Variants in SP110 observed in about 807,000 individuals in gnomAD.
SP110 encodes the protein SP110 nuclear body protein.
SP110 carries 62 observed loss-of-function variants against 92.7 expected under a neutral mutation model. The ratio of observed to expected loss-of-function variants is 0.67; its 90% CI spans 0.55 to 0.83. The LOEUF (loss-of-function observed/expected upper bound fraction) is 0.83, where lower values mean the gene tolerates loss of function less well. Ranked by LOEUF, SP110 falls within the 40% of genes least tolerant of loss-of-function variation. SP110 has a pLI of 0.00. For synonymous variants in SP110, 273 were observed against 305.3 expected (o/e 0.89, Z 1.10); for missense variants, 793 against 863.9 (o/e 0.92, Z 1.03).
chr2:230,189,864 G>T (rs1030947073), intron 10 of SP110, among the ~76,000 whole-genome samples: 1 of 152,132 alleles, frequency 6.6e-6, no homozygotes, highest in Non-Finnish European at 1.5e-5. Flanking sequence ...ACCTGCAAAG[G>T]ACATGATCTT....
chr2:230,173,084 G>T, intron 14 of SP110, 125 bp from the exon 15 acceptor site: 1 of 695,432 alleles, frequency 1.4e-6, no homozygotes, highest in Admixed American at 2.0e-5. Flanking sequence ...AATTTTTGAT[G>T]GGGGGAGCTG....
At position 230,171,966 on chromosome 2, in the gene SP110, A is replaced by G. The variant is rs768361820; in HGVS notation, c.1815+100T>C. 14 of 866,560 alleles carry G rather than the reference A, an allele frequency of 1.6e-5. 1 individual carries two copies. In the South Asian group the frequency reaches 1.8e-4, roughly 11 times the overall value. The allele number at this position is 866,560 out of a possible 1,614,324, so 53.7% of individuals were successfully genotyped here. A position where few individuals can be genotyped will look rare whatever the true frequency, so the allele number is the denominator to read the frequency against. On this transcript the variant is annotated intron_variant, in intron 16 of 18. Coordinates refer to ENST00000258381, the MANE Select transcript of SP110 (RefSeq NM_080424.4). Reference sequence around the variant, plus strand: ...AAATCGTCATCCTTTAAAGGGAGACATTGAAGGCTCCCTTTGGTACATTGC... The same window carrying G: ...AAATCGTCATCCTTTAAAGGGAGACGTTGAAGGCTCCCTTTGGTACATTGC...
intron 12 of SP110, among the ~76,000 whole-genome samples, chr2:230,178,515 T>C (rs148675500): frequency 2.6e-4 from 39 of 152,330 alleles, no homozygotes; most frequent in African/African-American, 8.9e-4. Context: ...GAATGTGTCT[T>C]AATTTGCAAG....
chr2:230,183,598 C>A lies in SP110; in HGVS notation c.1322G>T (p.Arg441Ile), dbSNP rs1328509667. The A allele has an allele frequency of 6.2e-7, 1 of 1,609,622 alleles. No homozygotes were observed. The highest frequency in any genetic ancestry group is 1.3e-5 in the African/African-American group (1 of 74,856). The change falls in exon 12 of 19, where the codon AGA (arginine) becomes ATA (isoleucine). Residue 441 changes from arginine (R) to isoleucine (I), a missense_variant. Physicochemically the swap from Arg to Ile is moderately conservative, Grantham distance 97. Transcript: ENST00000258381. The stretch of plus-strand genomic sequence containing the variant: ...TCTTCGGTGAATATTTTTCTGAAAT[C>A]TCCTTTTTGAGCTTGAACAGATATC... ...EKDICSSSKR[R>I]FQKNIHRRGK...
chr2:230,201,105 A>G, intron 9 of SP110, 140 bp from the exon 10 acceptor site: 2 of 740,674 alleles, frequency 2.7e-6, no homozygotes, highest in Admixed American at 1.9e-5. Flanking sequence ...GCATCTACCA[A>G]GAGATTTGGT....
At position 230,212,493 on chromosome 2, in the gene SP110, G is replaced by A; in HGVS notation, c.584-63C>T. 4.5e-6 allele frequency: 6 copies of A among 1,323,288 alleles called. No homozygotes were observed. In the South Asian group the frequency reaches 5.9e-5, roughly 13 times the overall value. The allele number at this position is 1,323,288 out of a possible 1,614,324, so 82.0% of individuals were successfully genotyped here. A position where few individuals can be genotyped will look rare whatever the true frequency, so the allele number is the denominator to read the frequency against. ...CTGGATGTCAGGGAGAAGAGTGAAT[G>A]TTAAAAGTGCCTGGGGCAGATAGAG... On this transcript the variant is annotated intron_variant, in intron 4 of 18. Transcript: ENST00000258381.
intron 12 of SP110, among the ~76,000 whole-genome samples, chr2:230,178,537 T>C (rs1175621793): frequency 6.6e-6 from 1 of 152,194 alleles, no homozygotes; most frequent in Non-Finnish European, 1.5e-5. Context: ...GAATTGGCTG[T>C]CACTGAATAG....
intron 17 of SP110, 168 bp downstream of exon 17, chr2:230,171,528 T>A (rs1483455054): frequency 3.0e-6 from 2 of 675,340 alleles, no homozygotes; most frequent in Non-Finnish European, 5.5e-6. Flanking sequence ...AACCAGGTAG[T>A]CCCTCTCCAG....
intron 12 of SP110, among the ~76,000 whole-genome samples, chr2:230,182,182 T>C (rs990207207): frequency 3.3e-5 from 5 of 152,092 alleles, no homozygotes; most frequent in Non-Finnish European, 5.9e-5. Context: ...TGGAAGCCAT[T>C]ATCCTCAGCA....
chr2:230,178,029 G>T, intron 13 of SP110, 128 bp downstream of exon 13: 1 of 721,850 alleles, frequency 1.4e-6, no homozygotes. Context: ...TCCTTCCTAA[G>T]AAGCGTTTCT....
At position 230,170,721 on chromosome 2, in the gene SP110, A is replaced by C. The variant is rs199752332; in HGVS notation, c.1928T>G (p.Leu643Trp). The change falls in exon 18 of 19, where the codon TTG becomes TGG. Residue 643 changes from leucine to tryptophan, a missense_variant. Physicochemically the swap from Leu to Trp is moderately conservative, Grantham distance 61. Coordinates refer to ENST00000258381, the MANE Select transcript of SP110 (RefSeq NM_080424.4). ...AATCAGCCTTTCCTTAACCAGGTCC[A>C]ACCACATTGCTTCCTGAAAGGGCTC... is the stretch of plus-strand genomic sequence containing the variant. Reference protein sequence around the residue: ...YGEPFQEAMWLDLVKERLITE... With the variant: ...YGEPFQEAMWWDLVKERLITE... 36 of 1,614,012 alleles carry C rather than the reference A, an allele frequency of 2.2e-5. No individual in the cohort carries two copies. Among genetic ancestry groups the C allele is most frequent in the Non-Finnish European group, 1.6e-5 (19 of 1,180,008 alleles).
upstream of SP110, among the ~76,000 whole-genome samples, chr2:230,222,001 G>A (rs868841168): frequency 1.3e-5 from 2 of 152,210 alleles, no homozygotes; most frequent in African/African-American, 2.4e-5. Flanking sequence ...GCTGAGGCAG[G>A]CAGATCACTT....
rs2044063845 is a variant in SP110 at position 230,208,001 on chromosome 2, GC to G, written c.887del (p.Ser296ThrfsTer36). The G allele has an allele frequency of 6.5e-7, 1 of 1,549,446 alleles. No individual in the cohort carries two copies. Among genetic ancestry groups the G allele is most frequent in the Non-Finnish European group, 8.9e-7 (1 of 1,124,282 alleles). ...STPKRRHKKK[S>X]LPGGTASSRH... Reference sequence around the variant, plus strand: ...GTACTCTCATCTTACCTCCTGGGAGGCTTTTTTTCTTATGTCTCCTTTTTGG... The same window carrying G: ...GTACTCTCATCTTACCTCCTGGGAGGTTTTTTTCTTATGTCTCCTTTTTGG... On this transcript the variant is annotated frameshift_variant, in exon 8 of 19. Coordinates refer to ENST00000258381, the MANE Select transcript of SP110 (RefSeq NM_080424.4). LOFTEE classifies it high-confidence loss of function.
At chr2:230,172,772 C>T (rs138304714) in intron 15 of SP110, 72 bp downstream of exon 15, 11,575 of 1,031,178 alleles carry the variant, frequency 0.011, 95 homozygotes, top group Middle Eastern at 0.028. Context: ...TCGTCCCCGA[C>T]GCTCACAGGT....
At chr2:230,179,598 G>A (rs552647588) in intron 12 of SP110, among the ~76,000 whole-genome samples, 3 of 150,424 alleles carry the variant, frequency 2.0e-5, no homozygotes, top group Non-Finnish European at 3.0e-5. Context: ...ATTTGCTGCC[G>A]CAGGTTCCTA....
At chr2:230,200,188 G>T (rs1029447633) in intron 10 of SP110, among the ~76,000 whole-genome samples, 1 of 152,106 alleles carries the variant, frequency 6.6e-6, no homozygotes, top group African/African-American at 2.4e-5. Flanking sequence ...GATATTTGTT[G>T]TTTGAAAATC....
chr2:230,177,791 C>T (rs1356747968), intron 13 of SP110, 111 bp from the exon 14 acceptor site: 16 of 1,237,910 alleles, frequency 1.3e-5, no homozygotes, highest in African/African-American at 4.4e-5. Context: ...GAGACTTCCT[C>T]TGTGAGGTGG....
At position 230,166,479 on chromosome 2, in the gene SP110, A is replaced by G. The variant is rs1289315031; in HGVS notation, c.*2645T>C. Among the ~76,000 whole-genome samples the G allele has an allele frequency of 1.3e-5, 2 of 152,226 alleles. No homozygotes were observed. The highest frequency in any genetic ancestry group is 1.9e-4 in the East Asian group (1 of 5,198). On this transcript the variant is annotated 3_prime_UTR_variant, in exon 19 of 19. Transcript: ENST00000258381. ...CTGACTATGACAGTGTGTAAAAACTATAGAGCAATCTCATTTATAAATACA... is the reference window on the plus strand; with the variant it reads ...CTGACTATGACAGTGTGTAAAAACTGTAGAGCAATCTCATTTATAAATACA...
rs1219829736 is a variant in SP110 at position 230,167,749 on chromosome 2, CT to C, written c.*1374del. On this transcript the variant is annotated 3_prime_UTR_variant, in exon 19 of 19. Transcript: ENST00000258381. ...GACAGTGTGCAAGTATGAATGGGGT[CT>C]GCCAGTACCATGTGGAGCAAAGGGA... The C allele has an allele frequency of 1.3e-5, 2 of 152,148 alleles. No homozygotes were observed. Among genetic ancestry groups the C allele is most frequent in the African/African-American group, 4.8e-5 (2 of 41,422 alleles). The allele number at this position is 152,148 out of a possible 1,614,324, so 9.4% of individuals were successfully genotyped here. A position where few individuals can be genotyped will look rare whatever the true frequency, so the allele number is the denominator to read the frequency against.
Sources: gnomAD v4.1 joint callset for allele counts (sites outside exome capture counted in the v4.1 genomes callset) on GRCh38, gnomAD v4.1.1 for gene constraint, MANE v1.5 for transcripts, NCBI Gene and HGNC (gene_info 2026-07-23, HGNC 2026-07-21) for gene names.